Variants in PYROXD1 observed in about 807,000 individuals in gnomAD.
PYROXD1 encodes pyridine nucleotide-disulphide oxidoreductase domain 1.
Under a neutral mutation model 62.0 loss-of-function variants are expected in PYROXD1, and 42 were observed. The observed-to-expected ratio is 0.68, with a 90% confidence interval of 0.53 to 0.88. The LOEUF is 0.88. PYROXD1 is among the 40% of genes least tolerant of loss of function. The probability of loss-of-function intolerance (pLI) is 0.00; values close to 1 mark genes in which losing one functional copy is unlikely to be tolerated. For missense variants in PYROXD1, 493 were observed against 604.8 expected, an observed-to-expected ratio of 0.82 and a Z score of 1.94; for synonymous variants, 170 against 206.4, an observed-to-expected ratio of 0.82 and a Z score of 1.51.
At chr12:21,446,611 AATT>A (rs1942394010) in intron 3 of PYROXD1, among the ~76,000 whole-genome samples, 1 of 151,970 alleles carries the variant, frequency 6.6e-6, no homozygotes, top group Admixed American at 6.6e-5. Flanking sequence ...GATAGTCAAA[AATT>A]ATGTGAAGAG....
At chr12:21,461,926 A>G in intron 8 of PYROXD1, 82 bp from the exon 9 acceptor site, 1 of 677,336 alleles carries the variant, frequency 1.5e-6, no homozygotes, top group Middle Eastern at 4.4e-4. Flanking sequence ...CTTTGTTTCT[A>G]GTCATTGTAG....
intron 1 of PYROXD1, among the ~76,000 whole-genome samples, chr12:21,439,318 T>C (rs1942252741): frequency 6.6e-6 from 1 of 152,208 alleles, no homozygotes. Flanking sequence ...GAGAGCCAAT[T>C]CGAAGGTGAT....
rs1294760248 is a variant in PYROXD1 at position 21,462,830 on chromosome 12, A to T, written c.1084A>T (p.Thr362Ser). 6.2e-7 allele frequency: 1 copy of T among 1,613,796 alleles called. No homozygotes were observed. The highest frequency in any genetic ancestry group is 8.5e-7 in the Non-Finnish European group (1 of 1,179,940). ...DIYAAGDICT[T>S]SWQLSPVWQQ... ...CTATGCTGCCGGTGACATCTGTACTACATCCTGGCAGCTGAGCCCAGTCTG... is the reference window on the plus strand; with the variant it reads ...CTATGCTGCCGGTGACATCTGTACTTCATCCTGGCAGCTGAGCCCAGTCTG... Residue 362 changes from threonine to serine, a missense_variant, in exon 10 of 12, where the codon ACA becomes TCA. Thr to Ser is a moderately conservative substitution (Grantham distance 58). Coordinates refer to ENST00000240651, the MANE Select transcript of PYROXD1 (RefSeq NM_024854.5).
At position 21,469,124 on chromosome 12, in the gene PYROXD1, G is replaced by A. The variant is rs1255595559; in HGVS notation, c.*370G>A. On this transcript the variant is annotated 3_prime_UTR_variant, in exon 12 of 12. Coordinates refer to ENST00000240651, the MANE Select transcript of PYROXD1 (RefSeq NM_024854.5). Reference sequence around the variant, plus strand: ...ATTCTTTGTGAAATGTCAAAATATGGCTATGGTTTCAGGAACTTTAAAATC... The same window carrying A: ...ATTCTTTGTGAAATGTCAAAATATGACTATGGTTTCAGGAACTTTAAAATC... 1 of 167,138 alleles carries A rather than the reference G, an allele frequency of 6.0e-6. No individual in the cohort carries two copies. Among genetic ancestry groups the A allele is most frequent in the African/African-American group, 2.4e-5 (1 of 41,494 alleles). The allele number at this position is 167,138 out of a possible 1,614,324, so 10.4% of individuals were successfully genotyped here.
intron 4 of PYROXD1, 143 bp downstream of exon 4, chr12:21,449,834 G>T: frequency 1.1e-5 from 6 of 544,664 alleles, no homozygotes; most frequent in South Asian, 2.6e-5. Context: ...GAGTGGTTAT[G>T]TTTTATTCCT....
intron 9 of PYROXD1, 84 bp downstream of exon 9, chr12:21,462,204 T>C (rs762626142): frequency 1.3e-6 from 1 of 758,266 alleles, no homozygotes; most frequent in South Asian, 1.6e-5. Flanking sequence ...TGAATAATTA[T>C]TATTTTAGTG....
intron 10 of PYROXD1, among the ~76,000 whole-genome samples, chr12:21,466,480 G>A (rs945998572): frequency 5.9e-5 from 9 of 152,082 alleles, no homozygotes; most frequent in Non-Finnish European, 1.2e-4. Context: ...TGTTGTTGGT[G>A]TATAAGAATG....
chr12:21,441,217 G>T (rs1942287851), intron 2 of PYROXD1: 1 of 152,222 alleles, frequency 6.6e-6, no homozygotes, highest in African/African-American at 2.4e-5. Flanking sequence ...TAGAGACGGG[G>T]TTTCACCATA....
chr12:21,467,828 A>G (rs1942830501), intron 11 of PYROXD1, among the ~76,000 whole-genome samples: 2 of 151,814 alleles, frequency 1.3e-5, no homozygotes, highest in Non-Finnish European at 2.9e-5. Context: ...CCACTATTCT[A>G]TTTTAGTTAA....
intron 7 of PYROXD1, among the ~76,000 whole-genome samples, chr12:21,457,662 G>A (rs1942622775): frequency 6.6e-6 from 1 of 151,984 alleles, no homozygotes; most frequent in Admixed American, 6.6e-5. Context: ...CGGGGGAAGG[G>A]GAATTATGCA....
At chr12:21,460,793 A>G (rs912670461) in intron 7 of PYROXD1, 12 of 286,336 alleles carry the variant, frequency 4.2e-5, no homozygotes, top group Non-Finnish European at 6.5e-5. Context: ...CATTCCCTCG[A>G]TGCTATCTGC....
chr12:21,442,705 G>T (rs897176121), intron 2 of PYROXD1, among the ~76,000 whole-genome samples: 3 of 152,194 alleles, frequency 2.0e-5, no homozygotes, highest in African/African-American at 4.8e-5. Context: ...AAGATATGCC[G>T]CCATGTCTCC....
In PYROXD1 at chr12:21,463,000, TAAA is replaced by T. The variant is rs574532434; in HGVS notation, c.1116+146_1116+148del. On this transcript the variant is annotated intron_variant, in intron 10 of 11. Transcript: ENST00000240651. ...AGCTAGCACAGTTGTTATATATATT[TAAA>T]AAAAAAACTAGAATATTTCCCTGTT... 58 of 646,816 alleles carry T rather than the reference TAAA, an allele frequency of 9.0e-5. No homozygotes were observed. The East Asian group carries it at 1.8e-3, about 20-fold the overall frequency. 40.1% of individuals were successfully genotyped at this position (646,816 alleles called of 1,614,324 possible). A position where few individuals can be genotyped will look rare whatever the true frequency, so the allele number is the denominator to read the frequency against.
At chr12:21,440,773 C>T (rs373802143) in intron 2 of PYROXD1, among the ~76,000 whole-genome samples, 103 of 152,248 alleles carry the variant, frequency 6.8e-4, no homozygotes, top group African/African-American at 2.4e-3. Context: ...TTCAGCTTTT[C>T]TCCATTCAAT....
At chr12:21,437,847 C>A in intron 1 of PYROXD1, 33 bp downstream of exon 1, 1 of 1,593,246 alleles carries the variant, frequency 6.3e-7, no homozygotes, top group Non-Finnish European at 8.6e-7. Flanking sequence ...CCGCCTCTTT[C>A]CCCGACCCCA....
intron 7 of PYROXD1, among the ~76,000 whole-genome samples, chr12:21,457,980 A>C (rs887774306): frequency 3.3e-5 from 5 of 152,156 alleles, no homozygotes; most frequent in African/African-American, 1.2e-4. Context: ...AGGGCCCTAG[A>C]ACTTTCACAG....
intron 4 of PYROXD1, among the ~76,000 whole-genome samples, chr12:21,450,527 T>G (rs1002258721): frequency 2.0e-5 from 3 of 152,176 alleles, no homozygotes; most frequent in African/African-American, 7.2e-5. Context: ...TTTTGGAGCA[T>G]TATACAAATT....
At chr12:21,444,666 G>C (rs1942354057) in intron 2 of PYROXD1, among the ~76,000 whole-genome samples, 1 of 113,796 alleles carries the variant, frequency 8.8e-6, no homozygotes. Flanking sequence ...CTGTAAAGGG[G>C]TCATGAGACC....
chr12:21,466,588 T>C (rs1316234583), intron 10 of PYROXD1, among the ~76,000 whole-genome samples: 3 of 152,198 alleles, frequency 2.0e-5, no homozygotes, highest in African/African-American at 7.2e-5. Context: ...TTTCTAGATA[T>C]ACAATCATGT....
Sources: gnomAD v4.1 joint callset for allele counts (sites outside exome capture counted in the v4.1 genomes callset) on GRCh38, gnomAD v4.1.1 for gene constraint, MANE v1.5 for transcripts, NCBI Gene and HGNC (gene_info 2026-07-23, HGNC 2026-07-21) for gene names.